The following HS3ST2 variants were observed in gnomAD, a reference collection of about 807,000 sequenced individuals.
The protein encoded by HS3ST2 is heparan sulfate-glucosamine 3-sulfotransferase 2.
In HS3ST2, 17 loss-of-function variants were observed where a neutral mutation model predicts 26.3. That is an observed-to-expected ratio of 0.65 (90% confidence interval 0.44 to 0.97). HS3ST2 has a LOEUF of 0.97. HS3ST2 is among the 50% of genes least tolerant of loss of function. The pLI, the probability that HS3ST2 is intolerant of heterozygous loss-of-function variation, is 0.00. For missense variants in HS3ST2, 402 were observed against 501.2 expected, an observed-to-expected ratio of 0.80 and a Z score of 1.89; for synonymous variants, 237 against 219.2, an observed-to-expected ratio of 1.08 and a Z score of -0.72.
chr16:22,817,042 A>G (rs1039579942), intron 1 of HS3ST2, among the ~76,000 whole-genome samples: 16 of 152,092 alleles, frequency 1.1e-4, no homozygotes, highest in Admixed American at 2.6e-4. Context: ...TTTTATTTTT[A>G]ACCTTGGCAT....
At chr16:22,910,210 A>T (rs1359049428) in intron 1 of HS3ST2, among the ~76,000 whole-genome samples, 1 of 152,196 alleles carries the variant, frequency 6.6e-6, no homozygotes, top group African/African-American at 2.4e-5. Context: ...TCACAGCTCT[A>T]TAGTCAAGTA....
chr16:22,829,622 A>G (rs140695351), intron 1 of HS3ST2, among the ~76,000 whole-genome samples: 3 of 152,148 alleles, frequency 2.0e-5, no homozygotes, highest in Non-Finnish European at 2.9e-5. Flanking sequence ...GGGACCTACA[A>G]TCTGCCCTCT....
chr16:22,836,984 C>T lies in HS3ST2; in HGVS notation c.485+21889C>T, dbSNP rs1394155679. Among the ~76,000 whole-genome samples, 5 of 152,236 alleles carry T rather than the reference C, an allele frequency of 3.3e-5. No individual in the cohort carries two copies. The South Asian group carries it at 1.0e-3, about 32-fold the overall frequency. On this transcript the variant is annotated intron_variant, in intron 1 of 1. Transcript: ENST00000261374. ...GGACAAAATCTTTTTAAAAGCACCTCTGAAATCATGGATCTGTTGTCTTAG... is the reference window on the plus strand; with the variant it reads ...GGACAAAATCTTTTTAAAAGCACCTTTGAAATCATGGATCTGTTGTCTTAG...
intron 1 of HS3ST2, among the ~76,000 whole-genome samples, chr16:22,884,755 C>A (rs1445065686): frequency 2.0e-5 from 3 of 149,286 alleles, no homozygotes; most frequent in Non-Finnish European, 4.4e-5. Flanking sequence ...ACCTAGACAT[C>A]TATCTTGACC....
chr16:22,870,761 C>T (rs759847672), intron 1 of HS3ST2, among the ~76,000 whole-genome samples: 61 of 152,192 alleles, frequency 4.0e-4, no homozygotes, highest in Non-Finnish European at 6.2e-4. Context: ...TCAAACTCCC[C>T]TTCTGAGGGA....
intron 1 of HS3ST2, among the ~76,000 whole-genome samples, chr16:22,878,461 C>T (rs1901947632): frequency 6.6e-6 from 1 of 152,120 alleles, no homozygotes; most frequent in Non-Finnish European, 1.5e-5. Context: ...TAAACTGAGA[C>T]TTTGTCCTTG....
In HS3ST2 at chr16:22,916,221, G is replaced by A. The variant is rs992167661; in HGVS notation, c.*659G>A. The stretch of plus-strand genomic sequence containing the variant: ...TTTGTGATTCTCCCTGCTCCCTGTG[G>A]ACAAAAGCACATAATTCTGCTGTTA... On this transcript the variant is annotated 3_prime_UTR_variant, in exon 2 of 2. Coordinates refer to ENST00000261374, the MANE Select transcript of HS3ST2 (RefSeq NM_006043.2). The A allele has an allele frequency of 6.5e-6, 1 of 152,712 alleles. No homozygotes were observed. The highest frequency in any genetic ancestry group is 6.5e-5 in the Admixed American group (1 of 15,284). 9.5% of individuals were successfully genotyped at this position (152,712 alleles called of 1,614,324 possible). A position where few individuals can be genotyped will look rare whatever the true frequency, so the allele number is the denominator to read the frequency against.
At position 22,894,196 on chromosome 16, in the gene HS3ST2, C is replaced by T. The variant is rs568219561; in HGVS notation, c.486-20748C>T. The stretch of plus-strand genomic sequence containing the variant: ...GACTGGTCAGTTTCTCTTGAGAGGG[C>T]TCCTCCGCTTGTCAGGTGGGAGTAG... On this transcript the variant is annotated intron_variant, in intron 1 of 1. Transcript: ENST00000261374. Among the ~76,000 whole-genome samples the T allele has an allele frequency of 5.3e-5, 8 of 152,240 alleles. 1 individual carries two copies. The South Asian group carries it at 1.5e-3, about 28-fold the overall frequency.
intron 1 of HS3ST2, among the ~76,000 whole-genome samples, chr16:22,906,285 C>T (rs1283180932): frequency 1.3e-5 from 2 of 151,992 alleles, no homozygotes; most frequent in African/African-American, 4.8e-5. Context: ...ACAGGAGGAT[C>T]GCTTGAACCT....
intron 1 of HS3ST2, among the ~76,000 whole-genome samples, chr16:22,892,816 C>T (rs1466633970): frequency 2.0e-5 from 3 of 152,132 alleles, no homozygotes; most frequent in Non-Finnish European, 4.4e-5. Flanking sequence ...TTCCATCCCC[C>T]ACGGCTCTTC....
intron 1 of HS3ST2, among the ~76,000 whole-genome samples, chr16:22,895,070 C>CTTTTTTTTTTTTT (rs55861016): frequency 1.5e-5 from 2 of 134,722 alleles, no homozygotes; most frequent in Non-Finnish European, 3.2e-5. Flanking sequence ...TTCTTTCTTT[C>CTTTTTTTTTTTTT]TTTTTTTTTT....
chr16:22,902,289 C>CT (rs994306608), intron 1 of HS3ST2, among the ~76,000 whole-genome samples: 10 of 152,002 alleles, frequency 6.6e-5, no homozygotes, highest in Non-Finnish European at 1.0e-4. Context: ...TGTTTCTGGT[C>CT]TTTTTTTTAT....
chr16:22,819,960 A>G (rs954034095), intron 1 of HS3ST2, among the ~76,000 whole-genome samples: 18 of 152,268 alleles, frequency 1.2e-4, no homozygotes, highest in Non-Finnish European at 2.2e-4. Flanking sequence ...CAGTTTTATC[A>G]TCTTTCAACA....
chr16:22,880,431 A>G (rs1277851692), intron 1 of HS3ST2, among the ~76,000 whole-genome samples: 1 of 152,200 alleles, frequency 6.6e-6, no homozygotes, highest in African/African-American at 2.4e-5. Flanking sequence ...AATGAAATAA[A>G]GTTAAATTAA....
intron 1 of HS3ST2, among the ~76,000 whole-genome samples, chr16:22,868,405 CA>C (rs77630354): frequency 7.8e-3 from 341 of 43,504 alleles, no homozygotes; most frequent in East Asian, 0.01. Flanking sequence ...AAGACTCCAT[CA>C]AAAAAAAAAA....
chr16:22,903,871 C>T lies in HS3ST2; in HGVS notation c.486-11073C>T, dbSNP rs1462116982. Among the ~76,000 whole-genome samples, 5 of 152,314 alleles carry T rather than the reference C, an allele frequency of 3.3e-5. No homozygotes were observed. In the Middle Eastern group the frequency reaches 0.01, roughly 311 times the overall value. ...CAGAAGGACAGCATTACCCTTTCTT[C>T]TCACCATGTCATTGAGGGGACTGCC... On this transcript the variant is annotated intron_variant, in intron 1 of 1. Transcript: ENST00000261374.
intron 1 of HS3ST2, among the ~76,000 whole-genome samples, chr16:22,857,441 A>G (rs1901611621): frequency 6.6e-6 from 1 of 152,192 alleles, no homozygotes. Context: ...AAACAGTGGA[A>G]AACGCGTTAA....
At chr16:22,833,395 T>C in intron 1 of HS3ST2, 1 of 442,900 alleles carries the variant, frequency 2.3e-6, no homozygotes, top group Non-Finnish European at 4.6e-6. Flanking sequence ...ATTAAATTCA[T>C]GGAAGCAGCA....
chr16:22,884,182 G>A (rs1038394045), intron 1 of HS3ST2, among the ~76,000 whole-genome samples: 2 of 152,190 alleles, frequency 1.3e-5, no homozygotes, highest in African/African-American at 4.8e-5. Context: ...CTTGTTATGT[G>A]TCAGGGACCA....
Sources: allele counts gnomAD v4.1 joint callset (sites outside exome capture counted in the v4.1 genomes callset), GRCh38; gene constraint gnomAD v4.1.1; transcripts MANE v1.5; gene names NCBI Gene and HGNC (gene_info 2026-07-23, HGNC 2026-07-21).